The following GIPC2 variants were observed in gnomAD, a reference collection of about 807,000 sequenced individuals.
GIPC2 encodes PDZ domain-containing protein GIPC2.
In GIPC2, 30 loss-of-function variants were observed where a neutral mutation model predicts 30.6. The ratio of observed to expected loss-of-function variants is 0.98; its 90% CI spans 0.73 to 1.33. The LOEUF is 1.33. GIPC2 is among the 40% of genes most tolerant of loss of function. The probability of loss-of-function intolerance (pLI) is 0.00; values close to 1 mark genes in which losing one functional copy is unlikely to be tolerated. For synonymous variants in GIPC2, 167 were observed against 150.0 expected (o/e 1.11, Z -0.83); for missense variants, 414 against 390.3 (o/e 1.06, Z -0.51).
chr1:78,120,640 A>G (rs1662663413), intron 4 of GIPC2, among the ~76,000 whole-genome samples: 1 of 152,206 alleles, frequency 6.6e-6, no homozygotes, highest in African/African-American at 2.4e-5. Flanking sequence ...CCTCACAATC[A>G]TGGTGGAAGG....
intron 1 of GIPC2, among the ~76,000 whole-genome samples, chr1:78,053,742 T>C (rs1054583406): frequency 2.3e-5 from 2 of 87,632 alleles, no homozygotes; most frequent in Admixed American, 2.9e-4. Flanking sequence ...GTACCCTGCC[T>C]CTTAAAAAAA....
chr1:78,126,946 A>G (rs1662794701), intron 5 of GIPC2, among the ~76,000 whole-genome samples: 1 of 152,216 alleles, frequency 6.6e-6, no homozygotes. Context: ...CTGAAATACA[A>G]GGGTCAAGAG....
chr1:78,106,494 G>A lies in GIPC2; in HGVS notation c.607+11362G>A, dbSNP rs796849322. ...AGAATGGCATGAACCCAGGGGGCGG[G>A]GCTTGCAGTGAGCAGAGATCGCACC... On this transcript the variant is annotated intron_variant, in intron 3 of 5. Coordinates refer to ENST00000370759, the MANE Select transcript of GIPC2 (RefSeq NM_017655.6). Among the ~76,000 whole-genome samples, 48 of 147,902 alleles carry A rather than the reference G, an allele frequency of 3.2e-4. 1 individual carries two copies. Among genetic ancestry groups the A allele is most frequent in the African/African-American group, 1.0e-3 (40 of 40,156 alleles).
intron 5 of GIPC2, among the ~76,000 whole-genome samples, chr1:78,133,063 G>A (rs181399183): frequency 2.2e-3 from 331 of 152,180 alleles, no homozygotes; most frequent in Non-Finnish European, 3.1e-3. Context: ...CAGAGTTCTG[G>A]ACTTCACTTT....
rs1332475363 is a variant in GIPC2, at chr1:78,080,763, A to G, written c.329A>G (p.His110Arg). ...GGACTAGAAGATTTCATATTTGCCC[A>G]TGTGAAAGGAATCGAAAAAGAAGTG... ...QLGLEDFIFA[H>R]VKGIEKEVNV... Residue 110 changes from histidine (H) to arginine (R), a missense_variant, in exon 2 of 6, where the codon CAT becomes CGT. Coordinates refer to ENST00000370759, the MANE Select transcript of GIPC2 (RefSeq NM_017655.6). The G allele has an allele frequency of 1.2e-6, 2 of 1,609,174 alleles. No individual in the cohort carries two copies. Among genetic ancestry groups the G allele is most frequent in the African/African-American group, 2.7e-5 (2 of 74,842 alleles).
chr1:78,109,246 C>T (rs763773726), intron 3 of GIPC2, among the ~76,000 whole-genome samples: 2 of 152,184 alleles, frequency 1.3e-5, no homozygotes, highest in African/African-American at 2.4e-5. Flanking sequence ...ACATGCTTGC[C>T]TCTGAAACAA....
intron 1 of GIPC2, among the ~76,000 whole-genome samples, chr1:78,050,923 C>T (rs567189661): frequency 6.6e-5 from 10 of 152,078 alleles, no homozygotes; most frequent in African/African-American, 1.9e-4. Context: ...CGTGAGCCAC[C>T]GTGTCCGGCC....
intron 1 of GIPC2, among the ~76,000 whole-genome samples, chr1:78,065,354 C>A (rs907633537): frequency 4.0e-5 from 6 of 151,624 alleles, no homozygotes; most frequent in African/African-American, 1.5e-4. Context: ...TACGGCTAAC[C>A]AGGGAGGTGA....
chr1:78,045,964 C>A, upstream of GIPC2: 1 of 1,374,998 alleles, frequency 7.3e-7, no homozygotes. Flanking sequence ...CCCGACGCAG[C>A]CAGGCGGAAG....
chr1:78,114,537 T>C (rs591448), intron 3 of GIPC2, among the ~76,000 whole-genome samples: 135,322 of 152,106 alleles, frequency 0.89, 60,330 homozygotes, highest in African/African-American at 0.95. Flanking sequence ...AGGTGAAAAC[T>C]GCCCTCTGGA....
intron 3 of GIPC2, among the ~76,000 whole-genome samples, chr1:78,114,130 G>A (rs754191202): frequency 2.0e-5 from 3 of 152,210 alleles, no homozygotes; most frequent in Admixed American, 1.3e-4. Context: ...CCTAAGTGAC[G>A]TATGACAGGC....
chr1:78,120,958 C>A (rs147626887), intron 4 of GIPC2, among the ~76,000 whole-genome samples: 27 of 152,328 alleles, frequency 1.8e-4, no homozygotes, highest in Non-Finnish European at 3.8e-4. Flanking sequence ...CCTTTGCTCA[C>A]ATGTCTTGTT....
chr1:78,100,973 C>T (rs1371143973), intron 3 of GIPC2, among the ~76,000 whole-genome samples: 12 of 142,262 alleles, frequency 8.4e-5, no homozygotes, highest in East Asian at 2.4e-4. Flanking sequence ...CACACACACA[C>T]ACACACACAT....
At chr1:78,114,616 G>A (rs928810757) in intron 3 of GIPC2, among the ~76,000 whole-genome samples, 1 of 151,878 alleles carries the variant, frequency 6.6e-6, no homozygotes, top group African/African-American at 2.4e-5. Flanking sequence ...GCTTTGAGAT[G>A]GCTTGGCAAA....
chr1:78,058,146 T>C (rs1661330512), intron 1 of GIPC2, among the ~76,000 whole-genome samples: 1 of 152,158 alleles, frequency 6.6e-6, no homozygotes, highest in South Asian at 2.1e-4. Context: ...TATAGCTTAG[T>C]GGTTAGGAGT....
In GIPC2 at chr1:78,069,763, C is replaced by T. The variant is rs564660980; in HGVS notation, c.241-10912C>T. Among the ~76,000 whole-genome samples, 372 of 152,240 alleles carry T rather than the reference C, an allele frequency of 2.4e-3. 1 individual carries two copies. Among genetic ancestry groups the T allele is most frequent in the African/African-American group, 8.2e-3 (342 of 41,540 alleles). On this transcript the variant is annotated intron_variant, in intron 1 of 5. Transcript: ENST00000370759. ...TGCTGGGATTACAGGCATGAGCCAC[C>T]GCACCTGACCCCTGTAGTACATTTT... is the stretch of plus-strand genomic sequence containing the variant.
At chr1:78,126,031 A>C (rs1244061287) in intron 5 of GIPC2, 69 bp downstream of exon 5, 2 of 705,106 alleles carry the variant, frequency 2.8e-6, no homozygotes, top group African/African-American at 1.8e-5. Flanking sequence ...TTGTTTATAC[A>C]TACAGCCAAT....
chr1:78,125,413 C>T (rs1662764837), intron 4 of GIPC2, among the ~76,000 whole-genome samples: 1 of 152,076 alleles, frequency 6.6e-6, no homozygotes, highest in South Asian at 2.1e-4. Flanking sequence ...TGGTCTTGAA[C>T]TCCTAGGCTG....
chr1:78,076,304 C>T (rs1342168586), intron 1 of GIPC2, among the ~76,000 whole-genome samples: 1 of 152,240 alleles, frequency 6.6e-6, no homozygotes, highest in Non-Finnish European at 1.5e-5. Context: ...CCTCCATCTT[C>T]TGGCCCCAAA....
Sources: allele counts gnomAD v4.1 joint callset (sites outside exome capture counted in the v4.1 genomes callset), GRCh38; gene constraint gnomAD v4.1.1; transcripts MANE v1.5; gene names NCBI Gene and HGNC (gene_info 2026-07-23, HGNC 2026-07-21).